The following NPAS3 variants were observed in gnomAD, a reference collection of about 807,000 sequenced individuals.
NPAS3 encodes the protein neuronal PAS domain protein 3, also known as neuronal PAS domain-containing protein 3.
NPAS3 carries 14 observed loss-of-function variants against 73.1 expected under a neutral mutation model. The ratio of observed to expected loss-of-function variants is 0.19; its 90% CI spans 0.13 to 0.30. The LOEUF (loss-of-function observed/expected upper bound fraction) is 0.30. NPAS3 is among the 10% of genes least tolerant of loss of function. The pLI is 1.00. For missense variants in NPAS3, 1,096 were observed against 1,250.0 expected (o/e 0.88, Z 1.86); for synonymous variants, 620 against 541.5 (o/e 1.14, Z -2.01).
At chr14:33,737,107 C>A (rs956943543) in intron 7 of NPAS3, among the ~76,000 whole-genome samples, 1 of 152,168 alleles carries the variant, frequency 6.6e-6, no homozygotes, top group African/African-American at 2.4e-5. Context: ...AGGGTTTGAA[C>A]CTGGGGAGTC....
At chr14:33,007,977 A>C (rs1489331198) in intron 1 of NPAS3, among the ~76,000 whole-genome samples, 2 of 152,232 alleles carry the variant, frequency 1.3e-5, no homozygotes, top group East Asian at 3.8e-4. Flanking sequence ...ATTAACTTAG[A>C]GGAAAGCCAT....
At chr14:33,172,739 TA>T (rs60648371) in intron 2 of NPAS3, among the ~76,000 whole-genome samples, 35,826 of 145,608 alleles carry the variant, frequency 0.25, 4,906 homozygotes, top group South Asian at 0.37. Context: ...GACCCAGCCT[TA>T]AAAAAAAAAA....
chr14:33,045,593 T>C (rs1052460789), intron 1 of NPAS3, among the ~76,000 whole-genome samples: 1 of 152,214 alleles, frequency 6.6e-6, no homozygotes, highest in Non-Finnish European at 1.5e-5. Flanking sequence ...ATGAGGCTGG[T>C]CCATTTTACT....
At chr14:33,037,484 A>G (rs2040207854) in intron 1 of NPAS3, among the ~76,000 whole-genome samples, 1 of 149,846 alleles carries the variant, frequency 6.7e-6, no homozygotes, top group South Asian at 2.1e-4. Flanking sequence ...ATCTCAGCAA[A>G]AAAAAAAAAA....
intron 5 of NPAS3, among the ~76,000 whole-genome samples, chr14:33,665,604 A>G (rs772519660): frequency 6.6e-6 from 1 of 152,328 alleles, no homozygotes; most frequent in African/African-American, 2.4e-5. Flanking sequence ...GCATGCCTGT[A>G]TCAAAACATC....
chr14:33,532,544 A>G (rs2054091128), intron 4 of NPAS3, among the ~76,000 whole-genome samples: 1 of 152,042 alleles, frequency 6.6e-6, no homozygotes, highest in Non-Finnish European at 1.5e-5. Flanking sequence ...GATTTGTCCA[A>G]GCTCATAGGG....
intron 3 of NPAS3, among the ~76,000 whole-genome samples, chr14:33,243,759 T>C (rs2048286651): frequency 1.3e-5 from 2 of 151,292 alleles, no homozygotes; most frequent in African/African-American, 2.4e-5. Context: ...ATAAGCCAGC[T>C]CTACCAATTA....
intron 2 of NPAS3, among the ~76,000 whole-genome samples, chr14:33,101,012 G>A (rs1389660238): frequency 3.3e-5 from 5 of 152,080 alleles, no homozygotes. Flanking sequence ...AGGGTCATCA[G>A]TAAGGTGATA....
Position 33,799,649 on chromosome 14 carries a change from G to A in NPAS3, c.1427-85G>A, listed in dbSNP as rs958072647. 3 of 1,460,424 alleles carry A rather than the reference G, an allele frequency of 2.1e-6. No homozygotes were observed. In the Admixed American group the frequency reaches 6.8e-5, roughly 33 times the overall value. 90.5% of individuals were successfully genotyped at this position (1,460,424 alleles called of 1,614,324 possible). A position where few individuals can be genotyped will look rare whatever the true frequency, so the allele number is the denominator to read the frequency against. Reference sequence around the variant, plus strand: ...GCTCCCCGCCCCAGCCCCTGCAGGTGACAGGCTGGGTCGCCCCGCTAACCT... The same window carrying A: ...GCTCCCCGCCCCAGCCCCTGCAGGTAACAGGCTGGGTCGCCCCGCTAACCT... On this transcript the variant is annotated intron_variant, in intron 11 of 11. Coordinates refer to ENST00000356141, the Ensembl canonical transcript of NPAS3.
At chr14:33,174,216 A>G (rs2045503212) in intron 2 of NPAS3, among the ~76,000 whole-genome samples, 2 of 152,132 alleles carry the variant, frequency 1.3e-5, no homozygotes, top group African/African-American at 2.4e-5. Context: ...TTAGCCATCT[A>G]TGACTTATCC....
chr14:33,046,319 C>G (rs924476261), intron 1 of NPAS3, among the ~76,000 whole-genome samples: 1 of 152,178 alleles, frequency 6.6e-6, no homozygotes. Context: ...TAGGCAGGAG[C>G]CTTGCATGCC....
chr14:33,573,954 A>G (rs1424328646), intron 5 of NPAS3, among the ~76,000 whole-genome samples: 4 of 152,192 alleles, frequency 2.6e-5, no homozygotes, highest in Non-Finnish European at 5.9e-5. Flanking sequence ...ATGGTGACCA[A>G]TCAAATGTGG....
At chr14:33,291,429 G>A (rs2042095512) in intron 3 of NPAS3, among the ~76,000 whole-genome samples, 1 of 152,140 alleles carries the variant, frequency 6.6e-6, no homozygotes, top group Admixed American at 6.5e-5. Flanking sequence ...CAAGCAGTCT[G>A]TCATTAATAT....
At chr14:33,502,164 A>G (rs899857993) in intron 4 of NPAS3, among the ~76,000 whole-genome samples, 2 of 151,988 alleles carry the variant, frequency 1.3e-5, no homozygotes, top group African/African-American at 2.4e-5. Flanking sequence ...CTAAATTAAA[A>G]GCAAATGGCA....
At chr14:33,052,183 G>A (rs748202714) in intron 1 of NPAS3, among the ~76,000 whole-genome samples, 1 of 152,172 alleles carries the variant, frequency 6.6e-6, no homozygotes, top group Non-Finnish European at 1.5e-5. Flanking sequence ...CCATCCCCAA[G>A]AGTGGCAAAG....
intron 2 of NPAS3, among the ~76,000 whole-genome samples, chr14:33,075,824 T>G (rs1003776712): frequency 3.9e-5 from 6 of 152,344 alleles, no homozygotes; most frequent in African/African-American, 1.4e-4. Flanking sequence ...AATATGTAGT[T>G]TAAGTTCTAA....
At chr14:33,775,985 A>G (rs1400563524) in intron 8 of NPAS3, among the ~76,000 whole-genome samples, 2 of 152,152 alleles carry the variant, frequency 1.3e-5, no homozygotes, top group Non-Finnish European at 2.9e-5. Flanking sequence ...CAGCTAAGAG[A>G]GAAACGTTGA....
At chr14:33,777,426 TTTTG>T (rs1274338324) in intron 8 of NPAS3, among the ~76,000 whole-genome samples, 3 of 152,162 alleles carry the variant, frequency 2.0e-5, no homozygotes, top group Admixed American at 1.3e-4. Context: ...ATGTTTCTTT[TTTTG>T]TTTGTTTTTC....
At chr14:32,942,125 A>C (rs1199950125) in intron 1 of NPAS3, among the ~76,000 whole-genome samples, 1 of 152,166 alleles carries the variant, frequency 6.6e-6, no homozygotes, top group Non-Finnish European at 1.5e-5. Flanking sequence ...ATAAAAGATG[A>C]CTTTCTGTGG....
Sources: allele counts gnomAD v4.1 joint callset (sites outside exome capture counted in the v4.1 genomes callset), GRCh38; gene constraint gnomAD v4.1.1; transcripts MANE v1.5; gene names NCBI Gene and HGNC (gene_info 2026-07-23, HGNC 2026-07-21).